TOX3: variants seen among roughly 807,000 people sequenced by gnomAD.
TOX3 encodes the protein CAG trinucleotide repeat-containing gene F9 protein.
Under a neutral mutation model 64.3 loss-of-function variants are expected in TOX3, and 22 were observed. That is an observed-to-expected ratio of 0.34 (90% CI 0.24 to 0.49). The LOEUF (loss-of-function observed/expected upper bound fraction) is 0.49. Among genes scored for constraint, TOX3 ranks in the 20% least tolerant of loss-of-function variants. The probability of loss-of-function intolerance (pLI) is 0.99; values close to 1 mark genes in which losing one functional copy is unlikely to be tolerated. For missense variants in TOX3, 661 were observed against 714.4 expected, an observed-to-expected ratio of 0.93 and a Z score of 0.85; for synonymous variants, 291 against 273.6, an observed-to-expected ratio of 1.06 and a Z score of -0.63.
chr16:52,444,498 T>TTCACACACAC, intron 5 of TOX3, 142 bp from the exon 6 acceptor site: 5 of 324,956 alleles, frequency 1.5e-5, no homozygotes, highest in Non-Finnish European at 5.3e-6. Context: ...TGTTAGCGCA[T>TTCACACACAC]GCACACACAC....
intron 1 of TOX3, among the ~76,000 whole-genome samples, chr16:52,523,573 T>TAA (rs1962660515): frequency 6.6e-6 from 1 of 152,216 alleles, no homozygotes; most frequent in African/African-American, 2.4e-5. Flanking sequence ...GAACCACGTT[T>TAA]AACATCAATG....
intron 1 of TOX3, among the ~76,000 whole-genome samples, chr16:52,530,498 G>A (rs1030536507): frequency 2.6e-5 from 4 of 151,922 alleles, no homozygotes; most frequent in African/African-American, 4.8e-5. Context: ...CACCACGCCC[G>A]GCTACTTTTT....
intron 4 of TOX3, among the ~76,000 whole-genome samples, chr16:52,446,792 A>T (rs1332089815): frequency 6.6e-6 from 1 of 152,220 alleles, no homozygotes; most frequent in South Asian, 2.1e-4. Flanking sequence ...GCATTAGGAA[A>T]AGGTCATCTT....
intron 1 of TOX3, among the ~76,000 whole-genome samples, chr16:52,540,702 T>C (rs1439682398): frequency 6.6e-6 from 1 of 152,184 alleles, no homozygotes; most frequent in Non-Finnish European, 1.5e-5. Context: ...AGTACTCATT[T>C]GTGACCACTC....
chr16:52,506,955 G>T (rs898492192), intron 1 of TOX3, among the ~76,000 whole-genome samples: 3 of 152,110 alleles, frequency 2.0e-5, no homozygotes, highest in Admixed American at 1.3e-4. Context: ...GATTAGAGTT[G>T]CCCATAGAAA....
At chr16:52,508,208 C>A (rs988345025) in intron 1 of TOX3, among the ~76,000 whole-genome samples, 4 of 152,122 alleles carry the variant, frequency 2.6e-5, no homozygotes, top group Non-Finnish European at 4.4e-5. Context: ...ATGTATAATG[C>A]AGATACATTC....
At chr16:52,526,480 A>G (rs948220953) in intron 1 of TOX3, among the ~76,000 whole-genome samples, 2 of 144,760 alleles carry the variant, frequency 1.4e-5, no homozygotes, top group East Asian at 2.0e-4. Flanking sequence ...ATCTCCCCCA[A>G]TCTTTTTTGT....
chr16:52,535,824 T>G (rs1227216766), intron 1 of TOX3, among the ~76,000 whole-genome samples: 1 of 152,214 alleles, frequency 6.6e-6, no homozygotes, highest in African/African-American at 2.4e-5. Flanking sequence ...ATAATCATTG[T>G]TCTCTTCCTG....
At chr16:52,443,096 T>C (rs1344915551) in intron 6 of TOX3, among the ~76,000 whole-genome samples, 1 of 152,210 alleles carries the variant, frequency 6.6e-6, no homozygotes, top group African/African-American at 2.4e-5. Context: ...GATAAATGAA[T>C]GAATAAATGA....
chr16:52,485,401 C>T (rs996031021), intron 1 of TOX3, among the ~76,000 whole-genome samples: 3 of 151,738 alleles, frequency 2.0e-5, no homozygotes, highest in Non-Finnish European at 2.9e-5. Context: ...CCAAATACCA[C>T]ATATTGTCAC....
Position 52,439,353 on chromosome 16 carries a change from G to A in TOX3, c.1603C>T (p.Pro535Ser), listed in dbSNP as rs183247983. ...QSQPSPRQHS[P>S]VASQITSPIP... ...GGGGATGTTATCTGAGAGGCGACAG[G>A]GGAGTGCTGCCGAGGAGAAGGCTGA... is the stretch of plus-strand genomic sequence containing the variant. Residue 535 changes from proline (P) to serine (S), a missense_variant, in exon 7 of 7, where the codon CCT (proline) becomes TCT (serine). Physicochemically the swap from Pro to Ser is moderately conservative, Grantham distance 74. Transcript: ENST00000219746. 7 of 1,611,066 alleles carry A rather than the reference G, an allele frequency of 4.3e-6. No homozygotes were observed. Among genetic ancestry groups the A allele is most frequent in the Non-Finnish European group, 5.9e-6 (7 of 1,178,332 alleles).
intron 1 of TOX3, among the ~76,000 whole-genome samples, chr16:52,486,758 C>A (rs1205163984): frequency 6.6e-6 from 1 of 151,978 alleles, no homozygotes; most frequent in African/African-American, 2.4e-5. Context: ...ATATTGAGAC[C>A]CCTGTCTTTA....
intron 1 of TOX3, among the ~76,000 whole-genome samples, chr16:52,497,395 A>G (rs1168491583): frequency 1.3e-5 from 2 of 152,230 alleles, no homozygotes; most frequent in Non-Finnish European, 2.9e-5. Flanking sequence ...CAGCTGAAGA[A>G]TAGAAGCTAT....
intron 2 of TOX3, among the ~76,000 whole-genome samples, chr16:52,465,060 G>T (rs1183222598): frequency 8.3e-6 from 1 of 120,944 alleles, no homozygotes; most frequent in Admixed American, 1.1e-4. Flanking sequence ...TGTCTCCCAG[G>T]CTGGAGGGCA....
Position 52,450,368 on chromosome 16 carries a change from G to A in TOX3, c.587C>T (p.Pro196Leu). The change falls in exon 4 of 7, where the codon CCT becomes CTT. Residue 196 changes from proline to leucine, a missense_variant. This residue lies in a region of TOX3 where 259 missense variants were observed against 261.2 expected (regional missense o/e 0.99). Transcript: ENST00000219746. ...TGCTGGAGGTGAAGGAGATGTGTGA[G>A]GCATACTGGCACCTCCCAAATTCAA... is the stretch of plus-strand genomic sequence containing the variant. The part of the protein sequence containing the change: ...LGLNLGGASM[P>L]HTSPSPPASK... 6.2e-7 allele frequency: 1 copy of A among 1,614,022 alleles called. No individual in the cohort carries two copies. The highest frequency in any genetic ancestry group is 8.5e-7 in the Non-Finnish European group (1 of 1,179,890).
Position 52,464,128 on chromosome 16 carries a change from G to A in TOX3, c.214C>T (p.Pro72Ser). 1 of 1,589,224 alleles carries A rather than the reference G, an allele frequency of 6.3e-7. No homozygotes were observed. Among genetic ancestry groups the A allele is most frequent in the Non-Finnish European group, 8.6e-7 (1 of 1,167,222 alleles). ...CCTAGGGCAGGGTCTGACTCTGGAGGAGGCGTGATTGGTGGAATTTCGAAT... is the reference window on the plus strand; with the variant it reads ...CCTAGGGCAGGGTCTGACTCTGGAGAAGGCGTGATTGGTGGAATTTCGAAT... ...EEFEIPPITP[P>S]PESDPALGMP... Residue 72 changes from proline (P) to serine (S), a missense_variant, in exon 3 of 7, where the codon CCT (proline) becomes TCT (serine). This residue lies in a region of TOX3 where 259 missense variants were observed against 261.2 expected (regional missense o/e 0.99). Transcript: ENST00000219746.
intron 1 of TOX3, among the ~76,000 whole-genome samples, chr16:52,486,710 T>A (rs925013007): frequency 1.3e-5 from 2 of 152,118 alleles, no homozygotes; most frequent in African/African-American, 4.8e-5. Context: ...GGCAGGAGAA[T>A]CAGCTGAGCC....
At chr16:52,523,446 T>C (rs568828910) in intron 1 of TOX3, among the ~76,000 whole-genome samples, 12 of 152,286 alleles carry the variant, frequency 7.9e-5, no homozygotes, top group South Asian at 4.1e-4. Flanking sequence ...GCTTACTTAT[T>C]TTTCTCAAAT....
intron 1 of TOX3, among the ~76,000 whole-genome samples, chr16:52,472,143 A>G (rs1961066572): frequency 3.9e-5 from 6 of 152,202 alleles, no homozygotes; most frequent in Admixed American, 3.9e-4. Flanking sequence ...GATGCTCGCT[A>G]TAAAGTTAAA....
Sources: gnomAD v4.1 joint callset for allele counts (sites outside exome capture counted in the v4.1 genomes callset) on GRCh38, gnomAD v4.1.1 for gene constraint, gnomAD v4.1.1 regional missense constraint, MANE v1.5 for transcripts, NCBI Gene and HGNC (gene_info 2026-07-23, HGNC 2026-07-21) for gene names.